Variants in OR1J2 observed in about 807,000 individuals in gnomAD.
OR1J2 encodes the protein olfactory receptor 1J2.
For synonymous variants in OR1J2, 142 were observed against 99.7 expected, an observed-to-expected ratio of 1.42 and a Z score of -2.52; for missense variants, 304 against 246.1, an observed-to-expected ratio of 1.24 and a Z score of -1.57.
At chr9:122,485,820 A>G in the OR1J2 span, among the ~76,000 whole-genome samples, 1 of 152,210 alleles carries the variant, frequency 6.6e-6, no homozygotes, top group African/African-American at 2.4e-5. Flanking sequence ...CACTGAGAAC[A>G]AATTTACTAT....
the OR1J2 span, among the ~76,000 whole-genome samples, chr9:122,546,439 C>T: frequency 3.3e-5 from 5 of 152,138 alleles, no homozygotes; most frequent in Non-Finnish European, 5.9e-5. Flanking sequence ...GCCTTGGTCT[C>T]TTAGAACGTT....
the OR1J2 span, among the ~76,000 whole-genome samples, chr9:122,455,248 G>A: frequency 6.6e-6 from 1 of 152,212 alleles, no homozygotes; most frequent in Admixed American, 6.5e-5. Flanking sequence ...GGGTAGAGTT[G>A]CTAGGTCATC....
the OR1J2 span, chr9:122,526,926 G>T: frequency 1.9e-6 from 3 of 1,614,130 alleles, no homozygotes; most frequent in Non-Finnish European, 2.5e-6. Flanking sequence ...GTGGCAAATG[G>T]CCACATAGCG....
At chr9:122,459,145 T>A in the OR1J2 span, among the ~76,000 whole-genome samples, 1 of 152,210 alleles carries the variant, frequency 6.6e-6, no homozygotes, top group Non-Finnish European at 1.5e-5. Context: ...AATTTCATTC[T>A]TTTTTATGGC....
At chr9:122,519,430 G>T in the OR1J2 span, 1 of 1,614,182 alleles carries the variant, frequency 6.2e-7, no homozygotes, top group Non-Finnish European at 8.5e-7. Context: ...TATGCAGGGT[G>T]TGTAACTCAG....
the OR1J2 span, among the ~76,000 whole-genome samples, chr9:122,460,165 A>ATG: frequency 0.013 from 1,478 of 117,100 alleles, 17 homozygotes; most frequent in African/African-American, 0.047. Flanking sequence ...TGGTATGTAT[A>ATG]TGTGTGTGTG....
At chr9:122,562,182 C>T in the OR1J2 span, among the ~76,000 whole-genome samples, 1 of 152,216 alleles carries the variant, frequency 6.6e-6, no homozygotes, top group African/African-American at 2.4e-5. Context: ...CTCCCTGGCT[C>T]GGCAGGGGAA....
the OR1J2 span, among the ~76,000 whole-genome samples, chr9:122,530,303 CT>C: frequency 1.3e-5 from 2 of 152,300 alleles, no homozygotes; most frequent in East Asian, 3.9e-4. Flanking sequence ...ATCTCTGGGA[CT>C]TTTGAAGTTT....
the OR1J2 span, among the ~76,000 whole-genome samples, chr9:122,574,997 C>A: frequency 2.0e-5 from 3 of 151,996 alleles, no homozygotes; most frequent in Non-Finnish European, 2.9e-5. Context: ...TGATGCATTA[C>A]AATAACTGAT....
chr9:122,502,844 C>T, the OR1J2 span, among the ~76,000 whole-genome samples: 1 of 152,088 alleles, frequency 6.6e-6, no homozygotes, highest in African/African-American at 2.4e-5. Flanking sequence ...AACATAAATG[C>T]CTCCAAGACA....
chr9:122,507,179 C>T (rs1245995763), upstream of OR1J2, among the ~76,000 whole-genome samples: 1 of 152,170 alleles, frequency 6.6e-6, no homozygotes, highest in Non-Finnish European at 1.5e-5. Flanking sequence ...AAAGGAGTCA[C>T]TTGTTTAGTT....
the OR1J2 span, chr9:122,447,612 G>C: frequency 2.6e-5 from 4 of 151,790 alleles, no homozygotes; most frequent in Non-Finnish European, 5.9e-5. Context: ...TCTATACTTT[G>C]GGATTCCTGG....
the OR1J2 span, among the ~76,000 whole-genome samples, chr9:122,501,113 G>A: frequency 6.6e-6 from 1 of 151,948 alleles, no homozygotes; most frequent in South Asian, 2.1e-4. Context: ...GTTAATAAAA[G>A]CTATATTTTG....
chr9:122,478,577 A>G, the OR1J2 span, among the ~76,000 whole-genome samples: 1 of 152,168 alleles, frequency 6.6e-6, no homozygotes, highest in African/African-American at 2.4e-5. Flanking sequence ...ATTACTCCAA[A>G]AGACAACAAA....
the OR1J2 span, among the ~76,000 whole-genome samples, chr9:122,469,347 G>A: frequency 6.6e-6 from 1 of 152,208 alleles, no homozygotes; most frequent in Non-Finnish European, 1.5e-5. Context: ...AGTCTCATGA[G>A]ATCTGTCGTT....
At chr9:122,509,900 A>G (rs1358791454), upstream of OR1J2, among the ~76,000 whole-genome samples, 1 of 152,224 alleles carries the variant, frequency 6.6e-6, no homozygotes, top group African/African-American at 2.4e-5. Flanking sequence ...AACCCTCTAC[A>G]TAATTGAAAC....
the OR1J2 span, chr9:122,526,905 T>C: frequency 6.2e-7 from 1 of 1,613,868 alleles, no homozygotes; most frequent in Admixed American, 1.7e-5. Context: ...GACTGTGGAG[T>C]AGCAGAGGGG....
the OR1J2 span, among the ~76,000 whole-genome samples, chr9:122,549,842 G>T: frequency 6.6e-6 from 1 of 152,006 alleles, no homozygotes; most frequent in African/African-American, 2.4e-5. Flanking sequence ...TTGGCTATTT[G>T]TGATCTTTTT....
the OR1J2 span, chr9:122,554,348 T>G: frequency 9.0e-6 from 5 of 556,032 alleles, no homozygotes; most frequent in Non-Finnish European, 1.6e-5. Context: ...ATGTTCTGTC[T>G]CAGCCTCTTT....
Sources: gnomAD v4.1 joint callset for allele counts (sites outside exome capture counted in the v4.1 genomes callset) on GRCh38, gnomAD v4.1.1 for gene constraint, MANE v1.5 for transcripts, NCBI Gene and HGNC (gene_info 2026-07-23, HGNC 2026-07-21) for gene names.